Variants in DMD observed in about 807,000 individuals in gnomAD.
The protein encoded by DMD is dystrophin, also known as mutant dystrophin.
DMD carries 63 observed loss-of-function variants against 330.1 expected under a neutral mutation model. The observed-to-expected ratio is 0.19, with a 90% CI of 0.16 to 0.24. The LOEUF (loss-of-function observed/expected upper bound fraction) is 0.24. DMD is among the 10% of genes least tolerant of loss of function. The pLI, the probability that DMD is intolerant of heterozygous loss-of-function variation, is 1.00. For synonymous variants in DMD, 1,223 were observed against 959.8 expected, an observed-to-expected ratio of 1.27 and a Z score of -5.07; for missense variants, 3,344 against 2,684.1, an observed-to-expected ratio of 1.25 and a Z score of -5.43.
intron 1 of DMD, among the ~76,000 whole-genome samples, chrX:33,022,598 G>C (rs2093934251): frequency 9.1e-6 from 1 of 109,684 alleles, no homozygotes; most frequent in Non-Finnish European, 1.9e-5. Context: ...ACAATTCTTA[G>C]TGCCTTACTA....
chrX:32,588,632 G>A (rs1016724412), intron 13 of DMD, among the ~76,000 whole-genome samples: 3 of 111,835 alleles, frequency 2.7e-5, no homozygotes, highest in African/African-American at 9.8e-5. Context: ...AGGCTCTTGG[G>A]AACCCACACT....
At chrX:32,834,734 A>C (rs1472947315) in intron 4 of DMD, among the ~76,000 whole-genome samples, 1 of 112,000 alleles carries the variant, frequency 8.9e-6, no homozygotes, top group Non-Finnish European at 1.9e-5. Flanking sequence ...TAGACAATTG[A>C]TGAGCTGGTA....
At chrX:32,816,353 T>C in intron 6 of DMD, 115 bp downstream of exon 6, 8 of 804,266 alleles carry the variant, frequency 9.9e-6, no homozygotes, top group Non-Finnish European at 1.5e-5. Context: ...GTGGTCAATG[T>C]ACATAACATG....
chrX:32,869,978 G>C (rs1169948641), intron 2 of DMD, among the ~76,000 whole-genome samples: 1 of 110,621 alleles, frequency 9.0e-6, no homozygotes, highest in African/African-American at 3.3e-5. Flanking sequence ...AATCAGGCAA[G>C]AGAAAGAAAT....
At chrX:33,272,558 C>T (rs1603427273) in intron 1 of DMD, among the ~76,000 whole-genome samples, 1 of 110,504 alleles carries the variant, frequency 9.0e-6, no homozygotes, top group Non-Finnish European at 1.9e-5. Context: ...TGAGATAGAG[C>T]TAAAGTCTTT....
intron 55 of DMD, among the ~76,000 whole-genome samples, chrX:31,517,363 G>T (rs781548275): frequency 3.6e-5 from 4 of 111,203 alleles, no homozygotes; most frequent in Non-Finnish European, 5.7e-5. Flanking sequence ...ATATGAGGCC[G>T]TTCAAAAGAA....
intron 60 of DMD, among the ~76,000 whole-genome samples, chrX:31,421,311 T>C (rs1602658965): frequency 8.9e-6 from 1 of 112,224 alleles, no homozygotes; most frequent in East Asian, 2.8e-4. Flanking sequence ...CACAAAATAA[T>C]AGAGGTAAAA....
intron 43 of DMD, among the ~76,000 whole-genome samples, chrX:32,253,834 G>A (rs2097287545): frequency 9.1e-6 from 1 of 109,317 alleles, no homozygotes; most frequent in Non-Finnish European, 1.9e-5. Context: ...ATATTGGCTA[G>A]GCTGTTTTCG....
intron 44 of DMD, among the ~76,000 whole-genome samples, chrX:32,214,902 G>A (rs1032638336): frequency 3.6e-5 from 4 of 111,533 alleles, no homozygotes; most frequent in African/African-American, 1.3e-4. Context: ...CACTTAATGA[G>A]GAGAAAAATA....
intron 9 of DMD, among the ~76,000 whole-genome samples, chrX:32,671,986 GA>G (rs746485483): frequency 7.4e-4 from 82 of 111,256 alleles, no homozygotes; most frequent in Non-Finnish European, 1.1e-3. Flanking sequence ...AAAAATGACA[GA>G]AAAGAAAAAT....
chrX:31,880,894 T>C (rs983048783), intron 47 of DMD, among the ~76,000 whole-genome samples: 15 of 112,069 alleles, frequency 1.3e-4, no homozygotes, highest in African/African-American at 4.2e-4. Flanking sequence ...ATTTACTATA[T>C]TCTTAATTAG....
intron 51 of DMD, among the ~76,000 whole-genome samples, chrX:31,766,652 A>T (rs1280283338): frequency 1.8e-5 from 2 of 112,435 alleles, no homozygotes; most frequent in Non-Finnish European, 3.8e-5. Flanking sequence ...GACTTCCATC[A>T]GAATTCATGT....
chrX:32,230,585 G>A (rs1337846946), intron 43 of DMD, among the ~76,000 whole-genome samples: 1 of 111,973 alleles, frequency 8.9e-6, no homozygotes, highest in Non-Finnish European at 1.9e-5. Context: ...TCATCTTTTA[G>A]TATGAAGATT....
intron 27 of DMD, among the ~76,000 whole-genome samples, chrX:32,446,613 T>A (rs1328933798): frequency 9.1e-6 from 1 of 109,845 alleles, no homozygotes; most frequent in African/African-American, 3.3e-5. Context: ...GAAAATAGCA[T>A]CGGTAAATCT....
At position 31,600,726 on chromosome X, in the gene DMD, T is replaced by C. The variant is rs142361953; in HGVS notation, c.8217+26947A>G. On this transcript the variant is annotated intron_variant, in intron 55 of 78. Transcript: ENST00000357033. ...TTGATTCCCTTCATCTCTTTTTCCCTGAGTATCATTTCGAGGCAAATTCTG... is the reference window on the plus strand; with the variant it reads ...TTGATTCCCTTCATCTCTTTTTCCCCGAGTATCATTTCGAGGCAAATTCTG... 3.9e-3 allele frequency among the ~76,000 whole-genome samples: 421 copies of C among 108,882 alleles called. 4 individuals are homozygous for C. The highest frequency in any genetic ancestry group is 0.013 in the African/African-American group (396 of 29,970). 94.6% of individuals were successfully genotyped at this position (108,882 alleles called of 115,157 possible).
chrX:33,116,401 C>G (rs2095385220), intron 1 of DMD, among the ~76,000 whole-genome samples: 1 of 109,867 alleles, frequency 9.1e-6, no homozygotes, highest in South Asian at 3.9e-4. Context: ...CCCAGCTACT[C>G]GGGAGGCTGA....
chrX:33,070,816 T>C (rs1367257315), intron 1 of DMD, among the ~76,000 whole-genome samples: 1 of 106,983 alleles, frequency 9.3e-6, no homozygotes, highest in Non-Finnish European at 1.9e-5. Flanking sequence ...TATTCTAAGA[T>C]GGCGAATATT....
At chrX:32,410,217 A>G (rs2098136066) in intron 30 of DMD, among the ~76,000 whole-genome samples, 1 of 111,286 alleles carries the variant, frequency 9.0e-6, no homozygotes, top group Non-Finnish European at 1.9e-5. Context: ...CACTTCTACT[A>G]CAATATTTAC....
At chrX:32,335,675 GTA>G (rs201073431) in intron 41 of DMD, among the ~76,000 whole-genome samples, 4 of 104,747 alleles carry the variant, frequency 3.8e-5, no homozygotes, top group African/African-American at 1.4e-4. Flanking sequence ...TACATAATAT[GTA>G]TATATAACAT....
Sources: allele counts gnomAD v4.1 joint callset (sites outside exome capture counted in the v4.1 genomes callset), GRCh38; gene constraint gnomAD v4.1.1; transcripts MANE v1.5; gene names NCBI Gene and HGNC (gene_info 2026-07-23, HGNC 2026-07-21).